The following APP variants were observed in gnomAD, a reference collection of about 807,000 sequenced individuals.
The protein encoded by APP is amyloid beta precursor protein.
A neutral mutation model predicts 101.4 loss-of-function variants in APP; 31 were observed. The observed-to-expected ratio is 0.31, with a 90% CI of 0.23 to 0.41. APP has a LOEUF of 0.41. Ranked by LOEUF, APP falls within the 10% of genes least tolerant of loss-of-function variation. The probability of loss-of-function intolerance (pLI) is 1.00; values close to 1 mark genes in which losing one functional copy is unlikely to be tolerated. For synonymous variants in APP, 366 were observed against 364.4 expected (o/e 1.00, Z -0.05); for missense variants, 839 against 1,003.7 (o/e 0.84, Z 2.22).
intron 8 of APP, among the ~76,000 whole-genome samples, chr21:25,996,970 C>G (rs779726216): frequency 1.3e-5 from 2 of 152,260 alleles, no homozygotes; most frequent in African/African-American, 4.8e-5. Context: ...TTTCCTTCCA[C>G]TGCACCTAGC....
chr21:26,154,454 C>T (rs2063335049), intron 1 of APP, among the ~76,000 whole-genome samples: 1 of 152,118 alleles, frequency 6.6e-6, no homozygotes, highest in Non-Finnish European at 1.5e-5. Context: ...GACCCTACAT[C>T]ATCTCATATA....
At chr21:25,958,242 C>T (rs2041410253) in intron 11 of APP, among the ~76,000 whole-genome samples, 1 of 152,066 alleles carries the variant, frequency 6.6e-6, no homozygotes, top group Admixed American at 6.6e-5. Context: ...TTTTCTTCTC[C>T]TATCACAACA....
chr21:26,089,145 A>G (rs904683700), intron 3 of APP, among the ~76,000 whole-genome samples: 1 of 152,188 alleles, frequency 6.6e-6, no homozygotes, highest in Non-Finnish European at 1.5e-5. Context: ...CTTATTTACA[A>G]CCTGCCTACT....
chr21:26,010,029 C>G (rs2043720497), intron 6 of APP: 1 of 30,602 alleles, frequency 3.3e-5, no homozygotes, highest in African/African-American at 1.5e-4. Context: ...GTTTCATGTC[C>G]TTTTCTGGGG....
At chr21:25,907,814 A>G (rs1341572062) in intron 14 of APP, among the ~76,000 whole-genome samples, 2 of 152,256 alleles carry the variant, frequency 1.3e-5, no homozygotes, top group African/African-American at 4.8e-5. Flanking sequence ...GAGGCTGACA[A>G]GAACTGGTTT....
intron 3 of APP, among the ~76,000 whole-genome samples, chr21:26,085,880 T>C (rs1202669366): frequency 2.0e-5 from 3 of 152,238 alleles, no homozygotes; most frequent in African/African-American, 7.2e-5. Context: ...AGATTTCTGG[T>C]CATTACTACT....
intron 9 of APP, among the ~76,000 whole-genome samples, chr21:25,980,736 T>C (rs1017614242): frequency 6.6e-6 from 1 of 152,070 alleles, no homozygotes; most frequent in Non-Finnish European, 1.5e-5. Context: ...AAACTATTAG[T>C]TTTATGTTTT....
intron 16 of APP, among the ~76,000 whole-genome samples, chr21:25,894,013 G>A (rs954236901): frequency 2.6e-5 from 4 of 152,180 alleles, no homozygotes; most frequent in Non-Finnish European, 5.9e-5. Context: ...GTCCTAGGGC[G>A]CTTAAGAATT....
intron 5 of APP, among the ~76,000 whole-genome samples, chr21:26,045,115 A>G (rs1164126279): frequency 1.3e-5 from 2 of 152,168 alleles, no homozygotes; most frequent in African/African-American, 2.4e-5. Flanking sequence ...AAAAGGGGGA[A>G]AAAAAGACTG....
rs779238120 is a variant in APP at position 26,170,669 on chromosome 21, G to A, written c.-49C>T. On this transcript the variant is annotated 5_prime_UTR_variant, in exon 1 of 18. Coordinates refer to ENST00000346798, the MANE Select transcript of APP (RefSeq NM_000484.4). ...GTGCGCTGCTGTGCGAGTGGGATCC[G>A]CCGCGTCCTTGCTCTGCCCGCGCCG... The A allele has an allele frequency of 2.0e-6, 3 of 1,509,132 alleles. No individual in the cohort carries two copies. Among genetic ancestry groups the A allele is most frequent in the Non-Finnish European group, 1.8e-6 (2 of 1,133,690 alleles). 93.5% of individuals were successfully genotyped at this position (1,509,132 alleles called of 1,614,324 possible). A position where few individuals can be genotyped will look rare whatever the true frequency, so the allele number is the denominator to read the frequency against.
chr21:26,072,050 T>C (rs2061420294), intron 3 of APP, among the ~76,000 whole-genome samples: 1 of 152,272 alleles, frequency 6.6e-6, no homozygotes, highest in Non-Finnish European at 1.5e-5. Flanking sequence ...TGACTATTTA[T>C]ATAAGTCCCT....
chr21:26,091,021 A>G (rs1455535541), intron 2 of APP, among the ~76,000 whole-genome samples: 1 of 152,252 alleles, frequency 6.6e-6, no homozygotes, highest in Non-Finnish European at 1.5e-5. Flanking sequence ...GAAATATCAA[A>G]CCACTTCTAT....
intron 5 of APP, among the ~76,000 whole-genome samples, chr21:26,034,479 C>T (rs899503955): frequency 1.3e-5 from 2 of 151,578 alleles, no homozygotes; most frequent in Non-Finnish European, 2.9e-5. Context: ...CCCATCTCTA[C>T]TAAAACACAA....
intron 11 of APP, among the ~76,000 whole-genome samples, chr21:25,966,809 A>C (rs1395444076): frequency 6.6e-6 from 1 of 152,242 alleles, no homozygotes; most frequent in Non-Finnish European, 1.5e-5. Flanking sequence ...AGAAAGGTAC[A>C]CCAACACCCA....
intron 2 of APP, among the ~76,000 whole-genome samples, chr21:26,104,303 A>G (rs1319042443): frequency 6.6e-6 from 1 of 151,490 alleles, no homozygotes; most frequent in East Asian, 1.9e-4. Flanking sequence ...TCCTCAATAC[A>G]TACTTGAAAA....
At chr21:26,102,887 C>A (rs1724270585) in intron 2 of APP, among the ~76,000 whole-genome samples, 4 of 58,622 alleles carry the variant, frequency 6.8e-5, no homozygotes, top group African/African-American at 7.8e-5. Flanking sequence ...GGGACTCTGT[C>A]TCAAAAAAAA....
chr21:26,131,122 A>C (rs534600977), intron 1 of APP, among the ~76,000 whole-genome samples: 3 of 152,216 alleles, frequency 2.0e-5, no homozygotes, highest in South Asian at 2.1e-4. Flanking sequence ...CCAGCTACTC[A>C]GGAGGCTGAG....
chr21:26,050,280 T>C (rs554827192), intron 5 of APP, among the ~76,000 whole-genome samples: 1 of 152,174 alleles, frequency 6.6e-6, no homozygotes, highest in Non-Finnish European at 1.5e-5. Context: ...GATACAATCA[T>C]CACCCTTCGG....
At chr21:26,059,907 AAAAAAAAAAAAAAAAAG>A (rs1343511775) in intron 3 of APP, among the ~76,000 whole-genome samples, 9 of 149,634 alleles carry the variant, frequency 6.0e-5, no homozygotes, top group African/African-American at 2.2e-4. Flanking sequence ...AAAAAAAAAA[AAAAAAAAAAAAAAAAAG>A]AGAGGGTGAG....
Sources: gnomAD v4.1 joint callset for allele counts (sites outside exome capture counted in the v4.1 genomes callset) on GRCh38, gnomAD v4.1.1 for gene constraint, MANE v1.5 for transcripts, NCBI Gene and HGNC (gene_info 2026-07-23, HGNC 2026-07-21) for gene names.